Variants in DNAI4 observed in about 807,000 individuals in gnomAD.
DNAI4 encodes the protein dynein axonemal intermediate chain 4.
In DNAI4, 85 loss-of-function variants were observed where a neutral mutation model predicts 105.8. The ratio of observed to expected loss-of-function variants is 0.80; its 90% CI spans 0.67 to 0.96. The LOEUF (loss-of-function observed/expected upper bound fraction) is 0.96. Ranked by LOEUF, DNAI4 falls within the 40% of genes least tolerant of loss-of-function variation. The pLI, the probability that DNAI4 is intolerant of heterozygous loss-of-function variation, is 0.00. For missense variants in DNAI4, 1,014 were observed against 1,005.6 expected, an observed-to-expected ratio of 1.01 and a Z score of -0.11; for synonymous variants, 352 against 331.5, an observed-to-expected ratio of 1.06 and a Z score of -0.67.
At chr1:66,885,725 A>T (rs1298793427) in intron 4 of DNAI4, among the ~76,000 whole-genome samples, 1 of 152,188 alleles carries the variant, frequency 6.6e-6, no homozygotes, top group African/African-American at 2.4e-5. Flanking sequence ...AAAACAATAA[A>T]AAATATATCC....
Position 66,890,814 on chromosome 1 carries a change from G to C in DNAI4, c.643+340C>G, listed in dbSNP as rs992907912. The stretch of plus-strand genomic sequence containing the variant: ...GAAGAAGTGAGGAAGAAGAGGAAAA[G>C]AAGAGGAAAAGAGGAAGAGGAAGAA... On this transcript the variant is annotated intron_variant, in intron 4 of 16. Coordinates refer to ENST00000371026, the MANE Select transcript of DNAI4 (RefSeq NM_024763.5). This position sits in a 1 kb window ranked among gnomAD's most constrained non-coding sequence, Gnocchi z 4.1. The C allele has an allele frequency of 6.3e-6, 2 of 317,626 alleles. No homozygotes were observed. The highest frequency in any genetic ancestry group is 1.2e-5 in the Non-Finnish European group (2 of 169,634). The allele number at this position is 317,626 out of a possible 1,614,324, so 19.7% of individuals were successfully genotyped here. A position where few individuals can be genotyped will look rare whatever the true frequency, so the allele number is the denominator to read the frequency against.
chr1:66,877,469 C>T (rs1646981678), intron 4 of DNAI4, among the ~76,000 whole-genome samples: 1 of 152,100 alleles, frequency 6.6e-6, no homozygotes, highest in African/African-American at 2.4e-5. Context: ...TTTTTTTCAA[C>T]ATTTGGTAAA....
At chr1:66,901,324 CA>C (rs1416235127) in intron 2 of DNAI4, among the ~76,000 whole-genome samples, 2 of 151,998 alleles carry the variant, frequency 1.3e-5, no homozygotes, top group Non-Finnish European at 2.9e-5. Flanking sequence ...CTTTCTAATA[CA>C]AATGTATATC....
intron 7 of DNAI4, among the ~76,000 whole-genome samples, chr1:66,858,292 G>A (rs1002160180): frequency 4.0e-5 from 6 of 151,238 alleles, no homozygotes; most frequent in Admixed American, 6.6e-5. Flanking sequence ...CACTTTGGGA[G>A]GCCGAGGCCG....
chr1:66,871,298 C>T, intron 6 of DNAI4, 72 bp downstream of exon 6: 1 of 1,368,836 alleles, frequency 7.3e-7, no homozygotes, highest in African/African-American at 1.5e-5. Flanking sequence ...TCAATATTCA[C>T]TTGTCGATTG....
At position 66,893,256 on chromosome 1, in the gene DNAI4, T is replaced by C. The variant is rs1206632409; in HGVS notation, c.503A>G (p.Asn168Ser). ...TGTAAACTGCCCTAACGTACTAGGA[T>C]TTATTGTATTCTGATAAAGGCTATA... ...SSYSLYQNTI[N>S]PSTLGQFTRS... The change falls in exon 3 of 17, where the codon AAT (asparagine) becomes AGT (serine). Residue 168 changes from asparagine (N) to serine (S), a missense_variant. Coordinates refer to ENST00000371026, the MANE Select transcript of DNAI4 (RefSeq NM_024763.5). The C allele has an allele frequency of 6.3e-7, 1 of 1,598,556 alleles. No homozygotes were observed. Among genetic ancestry groups the C allele is most frequent in the Non-Finnish European group, 8.5e-7 (1 of 1,172,652 alleles).
intron 15 of DNAI4, 22 bp downstream of exon 15, chr1:66,826,798 T>C (rs1645763865): frequency 1.3e-6 from 2 of 1,589,548 alleles, no homozygotes; most frequent in Middle Eastern, 1.7e-4. Flanking sequence ...CTAAAATTTA[T>C]GCAAGAAAAA....
chr1:66,914,676 G>C (rs1649931239), intron 1 of DNAI4, among the ~76,000 whole-genome samples: 1 of 151,666 alleles, frequency 6.6e-6, no homozygotes, highest in Non-Finnish European at 1.5e-5. Context: ...TTGTGAAACA[G>C]GTTATCAAGA....
In DNAI4 at chr1:66,833,639, A is replaced by T. The variant is rs367770301; in HGVS notation, c.1959T>A (p.Asp653Glu). ...NKKGGEKEKK[D>E]EALISRQAPG... ...GAGCCTGTCGAGATATCAAAGCTTC[A>T]TCTTTCTTTTCCTTTTCCCCTCCTT... The change falls in exon 13 of 17, where the codon GAT (aspartate) becomes GAA (glutamate). Residue 653 changes from aspartate to glutamate, a missense_variant. By Grantham distance (45) the Asp-to-Glu change is conservative (BLOSUM62 2). Coordinates refer to ENST00000371026, the MANE Select transcript of DNAI4 (RefSeq NM_024763.5). 1 of 1,613,294 alleles carries T rather than the reference A, an allele frequency of 6.2e-7. No individual in the cohort carries two copies. The highest frequency in any genetic ancestry group is 2.2e-5 in the East Asian group (1 of 44,848).
Position 66,890,690 on chromosome 1 carries a change from G to T in DNAI4, c.643+464C>A. On this transcript the variant is annotated intron_variant, in intron 4 of 16. Transcript: ENST00000371026. This position sits in a 1 kb window ranked among gnomAD's most constrained non-coding sequence, Gnocchi z 4.1. ...AGCAGAGGAGGAAGAGGAGGAAGAG[G>T]AAGAAGAAGAAGGAGAGGAGGGGGA... 1 of 216,230 alleles carries T rather than the reference G, an allele frequency of 4.6e-6. No individual in the cohort carries two copies. Among genetic ancestry groups the T allele is most frequent in the Non-Finnish European group, 9.2e-6 (1 of 108,954 alleles). 13.4% of individuals were successfully genotyped at this position (216,230 alleles called of 1,614,324 possible).
intron 3 of DNAI4, among the ~76,000 whole-genome samples, chr1:66,892,277 T>G (rs1004426949): frequency 6.6e-6 from 1 of 152,088 alleles, no homozygotes; most frequent in Non-Finnish European, 1.5e-5. Flanking sequence ...AGAGGCAAGC[T>G]CCAGAGAAGC....
intron 7 of DNAI4, among the ~76,000 whole-genome samples, chr1:66,860,038 T>C (rs1646591427): frequency 6.6e-6 from 1 of 151,848 alleles, no homozygotes; most frequent in Non-Finnish European, 1.5e-5. Flanking sequence ...TAATGCAAAA[T>C]ATTAATAATA....
rs79327630 is a variant in DNAI4 at position 66,863,987 on chromosome 1, A to G, written c.941-1685T>C. Reference sequence around the variant, plus strand: ...ACTGAAAGTTTAGTAAGTTTAGCATATAGGAACATACTGTTACATGGTCAT... The same window carrying G: ...ACTGAAAGTTTAGTAAGTTTAGCATGTAGGAACATACTGTTACATGGTCAT... On this transcript the variant is annotated intron_variant, in intron 6 of 16. Coordinates refer to ENST00000371026, the MANE Select transcript of DNAI4 (RefSeq NM_024763.5). 6.9e-3 allele frequency among the ~76,000 whole-genome samples: 1,046 copies of G among 152,308 alleles called. 13 individuals are homozygous for G. Among genetic ancestry groups the G allele is most frequent in the African/African-American group, 0.024 (1,002 of 41,562 alleles).
At chr1:66,846,361 T>C (rs996152036) in intron 8 of DNAI4, among the ~76,000 whole-genome samples, 13 of 152,212 alleles carry the variant, frequency 8.5e-5, no homozygotes, top group African/African-American at 3.1e-4. Context: ...TGTAACCATA[T>C]AGATTAATTT....
At chr1:66,829,142 G>C (rs75685540) in intron 13 of DNAI4, among the ~76,000 whole-genome samples, 2,438 of 152,262 alleles carry the variant, frequency 0.016, 64 homozygotes, top group African/African-American at 0.056. Context: ...GCCCTTCAGA[G>C]TCCTGTCTCA....
Position 66,834,003 on chromosome 1 carries a change from G to A in DNAI4, c.1879C>T (p.Leu627=), listed in dbSNP as rs1645925458. ...RISKWVIRKG[L]DCYDLMRLKR... ...ATTTTTCTTTTACCATAACAGTCTA[G>A]TCCTTTTCGTATAACCCATTTGGAG... The change falls in exon 12 of 17, where the codon CTA becomes TTA. Residue 627 remains leucine, a synonymous_variant. Transcript: ENST00000371026. 2.5e-6 allele frequency: 4 copies of A among 1,600,834 alleles called. No homozygotes were observed. Among genetic ancestry groups the A allele is most frequent in the Middle Eastern group, 1.7e-4 (1 of 6,028 alleles).
chr1:66,882,702 A>G (rs1237322656), intron 4 of DNAI4, among the ~76,000 whole-genome samples: 1 of 151,684 alleles, frequency 6.6e-6, no homozygotes, highest in African/African-American at 2.4e-5. Flanking sequence ...TGATAGCTCT[A>G]TACTTATGCT....
At chr1:66,835,903 C>G (rs1645975929) in intron 10 of DNAI4, 126 bp from the exon 11 acceptor site, 1 of 739,972 alleles carries the variant, frequency 1.4e-6, no homozygotes, top group Admixed American at 2.6e-5. Flanking sequence ...CATTCAGTTA[C>G]TTCTGTCTTC....
At chr1:66,908,953 T>A (rs981519870) in intron 1 of DNAI4, among the ~76,000 whole-genome samples, 2 of 152,236 alleles carry the variant, frequency 1.3e-5, no homozygotes, top group African/African-American at 4.8e-5. Context: ...CTTGCCTATA[T>A]CTGTGCCTAT....
Sources: gnomAD v4.1 joint callset for allele counts (sites outside exome capture counted in the v4.1 genomes callset) on GRCh38, gnomAD v4.1.1 for gene constraint, Gnocchi (gnomAD v3.1) non-coding constraint, MANE v1.5 for transcripts, NCBI Gene and HGNC (gene_info 2026-07-23, HGNC 2026-07-21) for gene names.